Variants in CSMD1 observed in about 807,000 individuals in gnomAD.
The protein encoded by CSMD1 is CUB and sushi domain-containing protein 1.
A neutral mutation model predicts 417.5 loss-of-function variants in CSMD1; 213 were observed. That is an observed-to-expected ratio of 0.51 (90% CI 0.46 to 0.57). The LOEUF (loss-of-function observed/expected upper bound fraction) is 0.57, where lower values mean the gene tolerates loss of function less well. CSMD1 is among the 20% of genes least tolerant of loss of function. CSMD1 has a pLI of 0.00. For missense variants in CSMD1, 6,923 were observed against 4,529.7 expected, an observed-to-expected ratio of 1.53 and a Z score of -15.17; for synonymous variants, 2,862 against 1,736.8, an observed-to-expected ratio of 1.65 and a Z score of -16.11.
At chr8:4,553,625 T>C (rs886501579) in intron 2 of CSMD1, among the ~76,000 whole-genome samples, 4 of 152,182 alleles carry the variant, frequency 2.6e-5, no homozygotes, top group Admixed American at 6.5e-5. Flanking sequence ...AGCTTAGCTC[T>C]ACCAATATAG....
At chr8:4,984,937 C>T (rs188150678) in intron 1 of CSMD1, among the ~76,000 whole-genome samples, 8 of 152,226 alleles carry the variant, frequency 5.3e-5, no homozygotes, top group Admixed American at 2.0e-4. Flanking sequence ...TCCGGAAGAC[C>T]ACTGGCAAAG....
intron 5 of CSMD1, among the ~76,000 whole-genome samples, chr8:3,879,907 A>G (rs11989159): frequency 0.23 from 35,084 of 151,886 alleles, 5,365 homozygotes; most frequent in African/African-American, 0.44. Context: ...TTTATCCCCT[A>G]TAACGAAATA....
intron 2 of CSMD1, among the ~76,000 whole-genome samples, chr8:4,593,214 G>A (rs1433613778): frequency 6.6e-6 from 1 of 152,152 alleles, no homozygotes; most frequent in Non-Finnish European, 1.5e-5. Flanking sequence ...TCTGCCTTTT[G>A]CTGCTGCTGA....
Position 3,536,737 on chromosome 8 carries a change from AG to A in CSMD1, c.1344+38207del, listed in dbSNP as rs1184956998. ...CTCCTCCGGTCTTGCAGGTGGCAGG[AG>A]CCCCAATACCCAAAAGTGTCCATTG... On this transcript the variant is annotated intron_variant, in intron 10 of 69. Transcript: ENST00000635120. Among the ~76,000 whole-genome samples the A allele has an allele frequency of 5.3e-5, 8 of 152,256 alleles. 1 individual carries two copies. The highest frequency in any genetic ancestry group is 1.9e-4 in the African/African-American group (8 of 41,550).
chr8:4,253,506 G>A (rs941251116), intron 3 of CSMD1, among the ~76,000 whole-genome samples: 22 of 152,090 alleles, frequency 1.4e-4, no homozygotes, highest in African/African-American at 5.3e-4. Context: ...ACTAGGTTAA[G>A]CCCCTGGGAT....
intron 5 of CSMD1, among the ~76,000 whole-genome samples, chr8:3,945,664 T>G (rs1437928936): frequency 6.6e-6 from 1 of 152,202 alleles, no homozygotes; most frequent in Middle Eastern, 3.4e-3. Flanking sequence ...TTATTTTACT[T>G]AGGTGAAATG....
At chr8:4,981,493 C>T (rs548871897) in intron 1 of CSMD1, among the ~76,000 whole-genome samples, 6 of 152,274 alleles carry the variant, frequency 3.9e-5, no homozygotes, top group African/African-American at 1.2e-4. Context: ...TTCACAAATG[C>T]ACTGGGGAAA....
chr8:4,784,397 T>C (rs1797300528), intron 1 of CSMD1, among the ~76,000 whole-genome samples: 1 of 152,190 alleles, frequency 6.6e-6, no homozygotes, highest in Non-Finnish European at 1.5e-5. Context: ...CACAAGCAAT[T>C]ACAAAGGGAA....
rs968244904 is a variant in CSMD1 at position 4,892,176 on chromosome 8, A to G, written c.85+102156T>C. 5.1e-4 allele frequency among the ~76,000 whole-genome samples: 78 copies of G among 152,280 alleles called. 1 individual carries two copies. The highest frequency in any genetic ancestry group is 1.7e-3 in the African/African-American group (71 of 41,508). ...TTGAACAAAGTAGTTTCATTAAGGC[A>G]TAATTGAAACAACTTTTCAAGATTC... On this transcript the variant is annotated intron_variant, in intron 1 of 69. Coordinates refer to ENST00000635120, the MANE Select transcript of CSMD1 (RefSeq NM_033225.6).
intron 4 of CSMD1, among the ~76,000 whole-genome samples, chr8:4,018,343 C>G (rs1166831660): frequency 6.6e-6 from 1 of 152,166 alleles, no homozygotes; most frequent in Non-Finnish European, 1.5e-5. Context: ...TATTCATTTT[C>G]ATCCACAAAT....
intron 3 of CSMD1, among the ~76,000 whole-genome samples, chr8:4,038,929 G>A (rs992336262): frequency 1.3e-5 from 2 of 152,148 alleles, no homozygotes; most frequent in East Asian, 3.9e-4. Context: ...AATTTGGCAA[G>A]TACATATGGT....
At chr8:4,833,048 T>C (rs1317479445) in intron 1 of CSMD1, among the ~76,000 whole-genome samples, 1 of 152,202 alleles carries the variant, frequency 6.6e-6, no homozygotes, top group Non-Finnish European at 1.5e-5. Context: ...TAGAACATCT[T>C]ATGCGGAAAG....
intron 27 of CSMD1, among the ~76,000 whole-genome samples, chr8:3,226,699 A>C (rs564449370): frequency 6.6e-6 from 1 of 152,272 alleles, no homozygotes; most frequent in Admixed American, 6.5e-5. Flanking sequence ...CGGATGTAAC[A>C]ATAACAACAA....
intron 3 of CSMD1, among the ~76,000 whole-genome samples, chr8:4,363,376 G>C (rs558943101): frequency 1.3e-5 from 2 of 152,264 alleles, no homozygotes; most frequent in Admixed American, 6.5e-5. Context: ...GTGCGTGCAT[G>C]CTTTATACGT....
chr8:4,494,652 C>T (rs1302436556), intron 2 of CSMD1, among the ~76,000 whole-genome samples: 2 of 152,068 alleles, frequency 1.3e-5, no homozygotes, highest in Non-Finnish European at 2.9e-5. Context: ...ATTTTTGTTA[C>T]TTGGCATCTT....
chr8:4,454,769 G>C (rs762156794), intron 2 of CSMD1, among the ~76,000 whole-genome samples: 5 of 152,174 alleles, frequency 3.3e-5, no homozygotes, highest in Non-Finnish European at 5.9e-5. Context: ...GTCTGAAATA[G>C]CCATTCTAAA....
At chr8:4,175,466 C>G (rs1189563007) in intron 3 of CSMD1, among the ~76,000 whole-genome samples, 1 of 152,124 alleles carries the variant, frequency 6.6e-6, no homozygotes, top group Non-Finnish European at 1.5e-5. Flanking sequence ...ATAGCAAAAG[C>G]ATCCAAAATT....
chr8:4,020,286 G>C (rs964640717), intron 4 of CSMD1, among the ~76,000 whole-genome samples: 1 of 152,188 alleles, frequency 6.6e-6, no homozygotes, highest in Non-Finnish European at 1.5e-5. Flanking sequence ...CAGGTGACCA[G>C]TGCAGAGCTG....
chr8:4,272,089 A>G (rs1004626433), intron 3 of CSMD1, among the ~76,000 whole-genome samples: 1 of 152,098 alleles, frequency 6.6e-6, no homozygotes, highest in African/African-American at 2.4e-5. Context: ...TCAACTATCA[A>G]CTGTACACCC....
Sources: allele counts gnomAD v4.1 joint callset (sites outside exome capture counted in the v4.1 genomes callset), GRCh38; gene constraint gnomAD v4.1.1; transcripts MANE v1.5; gene names NCBI Gene and HGNC (gene_info 2026-07-23, HGNC 2026-07-21).